The following SASH1 variants were observed in gnomAD, a reference collection of about 807,000 sequenced individuals.
SASH1 encodes the protein SAM and SH3 domain containing 1, also known as SAM and SH3 domain-containing protein 1.
Under a neutral mutation model 125.2 loss-of-function variants are expected in SASH1, and 44 were observed. The ratio of observed to expected loss-of-function variants is 0.35; its 90% CI spans 0.28 to 0.45. The LOEUF (loss-of-function observed/expected upper bound fraction) is 0.45. Ranked by LOEUF, SASH1 falls within the 20% of genes least tolerant of loss-of-function variation. SASH1 has a pLI of 1.00. For synonymous variants in SASH1, 639 were observed against 649.1 expected (o/e 0.98, Z 0.24); for missense variants, 1,426 against 1,614.5 (o/e 0.88, Z 2.00).
At chr6:148,373,941 C>CT (rs1457525118) in intron 1 of SASH1, among the ~76,000 whole-genome samples, 1 of 152,194 alleles carries the variant, frequency 6.6e-6, no homozygotes, top group Non-Finnish European at 1.5e-5. Context: ...CTGTTGTACT[C>CT]TGCACTCCAG....
intron 4 of SASH1, among the ~76,000 whole-genome samples, chr6:148,447,016 C>T (rs1433184035): frequency 6.6e-6 from 1 of 152,210 alleles, no homozygotes; most frequent in Non-Finnish European, 1.5e-5. Flanking sequence ...AAAACCTACA[C>T]TTCAGGGCTC....
intron 1 of SASH1, among the ~76,000 whole-genome samples, chr6:148,344,010 A>T (rs1781434180): frequency 6.6e-6 from 1 of 152,222 alleles, no homozygotes; most frequent in Non-Finnish European, 1.5e-5. Flanking sequence ...AAAGACTTGG[A>T]ATGGCCAGAT....
At chr6:148,293,238 G>A (rs543966364) in intron 1 of SASH1, among the ~76,000 whole-genome samples, 47 of 152,260 alleles carry the variant, frequency 3.1e-4, no homozygotes, top group Non-Finnish European at 3.2e-4. Flanking sequence ...CCCTCTAGAT[G>A]TTCTCAGGAC....
intron 1 of SASH1, among the ~76,000 whole-genome samples, chr6:148,371,348 C>G (rs1415268444): frequency 6.6e-6 from 1 of 151,738 alleles, no homozygotes; most frequent in South Asian, 2.1e-4. Flanking sequence ...CCTCTGCCTC[C>G]TAGGTTCAAG....
At chr6:148,286,874 G>C (rs931150563) in intron 1 of SASH1, among the ~76,000 whole-genome samples, 2 of 152,136 alleles carry the variant, frequency 1.3e-5, no homozygotes, top group Non-Finnish European at 2.9e-5. Context: ...CTGCAACCCA[G>C]AGCGGTCCAG....
intron 1 of SASH1, among the ~76,000 whole-genome samples, chr6:148,291,474 A>G (rs1463909129): frequency 1.3e-5 from 2 of 152,172 alleles, no homozygotes; most frequent in South Asian, 2.1e-4. Context: ...TGAGGTCAGG[A>G]GTTCAAGACC....
chr6:148,511,025 T>C (rs1780089162), intron 8 of SASH1, among the ~76,000 whole-genome samples: 1 of 150,748 alleles, frequency 6.6e-6, no homozygotes, highest in Admixed American at 6.6e-5. Context: ...AAAGACATGC[T>C]GTGTTATTTT....
intron 4 of SASH1, among the ~76,000 whole-genome samples, chr6:148,455,706 C>T (rs1777308042): frequency 6.6e-6 from 1 of 152,196 alleles, no homozygotes; most frequent in South Asian, 2.1e-4. Flanking sequence ...TTAGCCATGT[C>T]TGTGAATGAA....
intron 2 of SASH1, among the ~76,000 whole-genome samples, chr6:148,417,784 G>A (rs147702674): frequency 2.0e-5 from 3 of 152,008 alleles, no homozygotes; most frequent in Admixed American, 6.5e-5. Context: ...CAGATTACAC[G>A]TAACGAAAAA....
chr6:148,401,174 A>C (rs1784152917), intron 2 of SASH1, among the ~76,000 whole-genome samples: 1 of 151,310 alleles, frequency 6.6e-6, no homozygotes. Context: ...GGATGGCTTG[A>C]GCTTAGGAGG....
the SASH1 span, among the ~76,000 whole-genome samples, chr6:148,244,600 C>T: frequency 2.0e-5 from 3 of 152,202 alleles, no homozygotes; most frequent in East Asian, 1.9e-4. Context: ...TGTAGGCCTC[C>T]GTTTCTTTAA....
At chr6:148,303,713 A>G (rs774643151) in intron 1 of SASH1, among the ~76,000 whole-genome samples, 2 of 151,486 alleles carry the variant, frequency 1.3e-5, no homozygotes, top group Non-Finnish European at 2.9e-5. Flanking sequence ...GAGAATCGCT[A>G]GAACTCGGGA....
intron 1 of SASH1, among the ~76,000 whole-genome samples, chr6:148,373,523 TGAAA>T (rs1369556344): frequency 1.3e-5 from 2 of 152,196 alleles, no homozygotes; most frequent in African/African-American, 2.4e-5. Flanking sequence ...GCCTTTTCTC[TGAAA>T]GAAACAGGAG....
intron 2 of SASH1, among the ~76,000 whole-genome samples, chr6:148,415,952 A>G (rs189501913): frequency 6.6e-6 from 1 of 152,336 alleles, no homozygotes; most frequent in East Asian, 1.9e-4. Flanking sequence ...CCTAAGCCAG[A>G]AAAGCTTTGT....
the SASH1 span, among the ~76,000 whole-genome samples, chr6:148,214,717 A>G: frequency 1.3e-5 from 2 of 152,168 alleles, no homozygotes; most frequent in African/African-American, 2.4e-5. Context: ...CAGCTCTGAT[A>G]TATTAGAGAA....
chr6:148,493,275 T>G (rs1346191681), intron 8 of SASH1, among the ~76,000 whole-genome samples: 1 of 152,218 alleles, frequency 6.6e-6, no homozygotes, highest in Non-Finnish European at 1.5e-5. Flanking sequence ...TATATGACCC[T>G]TGCCCCTCTT....
chr6:148,285,200 G>C lies in SASH1; in HGVS notation n.74+12823G>C, dbSNP rs575783569. Among the ~76,000 whole-genome samples, 73 of 152,328 alleles carry C rather than the reference G, an allele frequency of 4.8e-4. 4 individuals are homozygous for C. In the South Asian group the frequency reaches 0.015, roughly 32 times the overall value. The stretch of plus-strand genomic sequence containing the variant: ...AGAGAATAAGAGAGAACAAGAAAAA[G>C]GGAGGGAGGGAAATGTTGAGCCCCA... On this transcript the variant is annotated intron_variant and non_coding_transcript_variant, in intron 1 of 3. Transcript: ENST00000367469.
At chr6:148,280,813 A>G (rs1779319202) in intron 1 of SASH1, among the ~76,000 whole-genome samples, 1 of 152,198 alleles carries the variant, frequency 6.6e-6, no homozygotes, top group South Asian at 2.1e-4. Context: ...GTCTCACAAC[A>G]ACAACAACAA....
At chr6:148,364,096 C>G (rs1782355473) in intron 1 of SASH1, among the ~76,000 whole-genome samples, 1 of 152,144 alleles carries the variant, frequency 6.6e-6, no homozygotes, top group Non-Finnish European at 1.5e-5. Flanking sequence ...GGCAGCCCAT[C>G]CTGTTGGTAA....
Sources: gnomAD v4.1 joint callset for allele counts (sites outside exome capture counted in the v4.1 genomes callset) on GRCh38, gnomAD v4.1.1 for gene constraint, MANE v1.5 for transcripts, NCBI Gene and HGNC (gene_info 2026-07-23, HGNC 2026-07-21) for gene names.